The following DCAF1 variants were observed in gnomAD, a reference collection of about 807,000 sequenced individuals.
DCAF1 encodes the protein DDB1- and CUL4-associated factor 1.
A neutral mutation model predicts 128.0 loss-of-function variants in DCAF1; 15 were observed. The observed-to-expected ratio is 0.12, with a 90% confidence interval of 0.08 to 0.18. DCAF1 has a LOEUF of 0.18. DCAF1 is among the 10% of genes least tolerant of loss of function. The pLI is 1.00. For missense variants in DCAF1, 988 were observed against 1,649.5 expected, an observed-to-expected ratio of 0.60 and a Z score of 6.95; for synonymous variants, 610 against 603.0, an observed-to-expected ratio of 1.01 and a Z score of -0.17.
intron 23 of DCAF1, among the ~76,000 whole-genome samples, chr3:51,404,233 C>A (rs10510758): frequency 0.073 from 11,081 of 152,198 alleles, 968 homozygotes; most frequent in East Asian, 0.33. Context: ...TCCAAGTAAA[C>A]GTAGCTGCCA....
intron 11 of DCAF1, 51 bp downstream of exon 11, chr3:51,429,982 A>G: frequency 1.3e-6 from 1 of 765,092 alleles, no homozygotes; most frequent in Non-Finnish European, 2.4e-6. Flanking sequence ...AGGGCAGCCA[A>G]GACAACCAGG....
At position 51,463,189 on chromosome 3, in the gene DCAF1, A is replaced by C; in HGVS notation, c.300T>G (p.Pro100=). 1 of 1,594,396 alleles carries C rather than the reference A, an allele frequency of 6.3e-7. No homozygotes were observed. The highest frequency in any genetic ancestry group is 8.5e-7 in the Non-Finnish European group (1 of 1,169,622). Residue 100 remains proline, a synonymous_variant, in exon 6 of 25, where the codon CCT becomes CCG. Transcript: ENST00000684031. ...NAYVMTSREP[P]LNTAACRLLL... is the part of the protein sequence containing the mutation. Reference sequence around the variant, plus strand: ...GGAGTCTGCAAGCTGCAGTGTTTAAAGGGGGCTCTCGGCTTGTCATCACAT... The same window carrying C: ...GGAGTCTGCAAGCTGCAGTGTTTAACGGGGGCTCTCGGCTTGTCATCACAT...
Position 51,429,685 on chromosome 3 carries a change from T to C in DCAF1, c.1468-215A>G, listed in dbSNP as rs562681363. On this transcript the variant is annotated intron_variant, in intron 11 of 24. Coordinates refer to ENST00000684031, the MANE Select transcript of DCAF1 (RefSeq NM_001387579.1). ...ATATAGCATGCTAACAGTAGCTATA[T>C]GAAAGCAAAACATTAAACTCATACC... 3.3e-5 allele frequency among the ~76,000 whole-genome samples: 5 copies of C among 152,302 alleles called. No individual in the cohort carries two copies. In the South Asian group the frequency reaches 1.0e-3, roughly 32 times the overall value.
In DCAF1 at chr3:51,419,989, A is replaced by T. The variant is rs1553631803; in HGVS notation, c.2981T>A (p.Leu994Gln). ...AGGTGGGGAAGGAAGATGTCTGTCC[A>T]GCTGTTTTTTTATGGCTGGGCTTTG... is the stretch of plus-strand genomic sequence containing the variant. ...YSQSPAIKKQ[L>Q]DRHLPSPPTL... is the part of the protein sequence containing the mutation. Residue 994 changes from leucine (L) to glutamine (Q), a missense_variant, in exon 15 of 25, where the codon CTG becomes CAG. Coordinates refer to ENST00000684031, the MANE Select transcript of DCAF1 (RefSeq NM_001387579.1). 1 of 1,613,916 alleles carries T rather than the reference A, an allele frequency of 6.2e-7. No individual in the cohort carries two copies. Among genetic ancestry groups the T allele is most frequent in the African/African-American group, 1.3e-5 (1 of 74,928 alleles).
chr3:51,439,978 C>T (rs1577149783), intron 9 of DCAF1, among the ~76,000 whole-genome samples: 2 of 151,494 alleles, frequency 1.3e-5, no homozygotes, highest in African/African-American at 2.4e-5. Flanking sequence ...GGCAACAGAG[C>T]GAGACTCCAT....
chr3:51,444,371 A>G (rs559178885), intron 6 of DCAF1, among the ~76,000 whole-genome samples: 2 of 151,924 alleles, frequency 1.3e-5, no homozygotes, highest in South Asian at 4.2e-4. Flanking sequence ...AAAAAAAAAA[A>G]AAAAAGTCTC....
intron 5 of DCAF1, among the ~76,000 whole-genome samples, chr3:51,463,929 A>C (rs1056230588): frequency 6.6e-6 from 1 of 152,096 alleles, no homozygotes; most frequent in Non-Finnish European, 1.5e-5. Flanking sequence ...AGCATGGCTC[A>C]CTGCAGTCTC....
chr3:51,414,372 G>C (rs1373397670), intron 19 of DCAF1, among the ~76,000 whole-genome samples: 1 of 152,172 alleles, frequency 6.6e-6, no homozygotes, highest in Non-Finnish European at 1.5e-5. Flanking sequence ...TCAATTCTTG[G>C]AGAACTGGGA....
chr3:51,402,678 G>A (rs907857051), intron 24 of DCAF1, among the ~76,000 whole-genome samples: 4 of 132,878 alleles, frequency 3.0e-5, no homozygotes, highest in African/African-American at 8.3e-5. Flanking sequence ...AGGTTCAAGC[G>A]ATTCTCCTGC....
At position 51,433,547 on chromosome 3, in the gene DCAF1, C is replaced by T. The variant is rs1460394075; in HGVS notation, c.1129-283G>A. 8.6e-5 allele frequency among the ~76,000 whole-genome samples: 13 copies of T among 151,578 alleles called. No individual in the cohort carries two copies. In the South Asian group the frequency reaches 1.0e-3, roughly 12 times the overall value. ...TGCAGTCTTGGCTCACTGCAACCTC[C>T]GCCTCCCAGGTGCAATCGATTCTCC... On this transcript the variant is annotated intron_variant, in intron 9 of 24. Transcript: ENST00000684031.
chr3:51,499,549 T>A (rs957876368), intron 1 of DCAF1, among the ~76,000 whole-genome samples: 1 of 151,430 alleles, frequency 6.6e-6, no homozygotes, highest in African/African-American at 2.4e-5. Flanking sequence ...ACAAGGGAAA[T>A]GAAATGCGCC....
At position 51,420,807 on chromosome 3, in the gene DCAF1, G is replaced by C; in HGVS notation, c.2163C>G (p.Thr721=). ...LPQNPKSSEH[T]LAKMWNVVQS... ...GAACCACATTCCACATCTTGGCCAGGGTGTGCTCACTGCTTTTAGGGTTCT... is the reference window on the plus strand; with the variant it reads ...GAACCACATTCCACATCTTGGCCAGCGTGTGCTCACTGCTTTTAGGGTTCT... Residue 721 remains threonine, a synonymous_variant, in exon 15 of 25, where the codon ACC becomes ACG. Transcript: ENST00000684031. This position sits in a 1 kb window ranked among gnomAD's most constrained non-coding sequence, Gnocchi z 6.5. 1 of 1,613,980 alleles carries C rather than the reference G, an allele frequency of 6.2e-7. No homozygotes were observed. Among genetic ancestry groups the C allele is most frequent in the Non-Finnish European group, 8.5e-7 (1 of 1,179,890 alleles).
chr3:51,492,666 G>C (rs1324310835), intron 2 of DCAF1, among the ~76,000 whole-genome samples: 3 of 152,180 alleles, frequency 2.0e-5, no homozygotes, highest in African/African-American at 7.2e-5. Flanking sequence ...TAGCAAGCAT[G>C]TGAAGAAACT....
At chr3:51,402,525 G>A (rs2089784913) in intron 24 of DCAF1, among the ~76,000 whole-genome samples, 1 of 144,316 alleles carries the variant, frequency 6.9e-6, no homozygotes, top group African/African-American at 2.5e-5. Context: ...TACAACAGCA[G>A]AGTTGAAGAG....
At chr3:51,414,155 A>G (rs1301079737) in intron 19 of DCAF1, 112 bp from the exon 20 acceptor site, 2 of 1,364,084 alleles carry the variant, frequency 1.5e-6, no homozygotes, top group African/African-American at 1.5e-5. Context: ...GATACTTTAA[A>G]AGTCAATGAG....
At chr3:51,410,922 CT>C (rs1411433686) in intron 23 of DCAF1, among the ~76,000 whole-genome samples, 1 of 152,182 alleles carries the variant, frequency 6.6e-6, no homozygotes, top group African/African-American at 2.4e-5. Context: ...CTTTGGGAGG[CT>C]GAGGCGGGTG....
At chr3:51,481,846 C>T (rs1413437116) in intron 3 of DCAF1, among the ~76,000 whole-genome samples, 1 of 152,048 alleles carries the variant, frequency 6.6e-6, no homozygotes, top group African/African-American at 2.4e-5. Context: ...CAAAAATTAG[C>T]CAGCGTCGTG....
chr3:51,447,257 A>C (rs1313635322), intron 6 of DCAF1, among the ~76,000 whole-genome samples: 1 of 151,766 alleles, frequency 6.6e-6, no homozygotes, highest in Non-Finnish European at 1.5e-5. Flanking sequence ...TAAAATTACA[A>C]AAATTGGCTG....
At chr3:51,418,465 A>G (rs969334470) in intron 16 of DCAF1, among the ~76,000 whole-genome samples, 10 of 152,182 alleles carry the variant, frequency 6.6e-5, no homozygotes, top group Admixed American at 6.5e-5. Context: ...GGGAGGGGGG[A>G]AAATGAGAAG....
Sources: allele counts gnomAD v4.1 joint callset (sites outside exome capture counted in the v4.1 genomes callset), GRCh38; gene constraint gnomAD v4.1.1; non-coding constraint Gnocchi (gnomAD v3.1); transcripts MANE v1.5; gene names NCBI Gene and HGNC (gene_info 2026-07-23, HGNC 2026-07-21).